The following KLF17 variants were observed in gnomAD, a reference collection of about 807,000 sequenced individuals.
KLF17 encodes KLF transcription factor 17, also known as Krueppel-like factor 17.
Under a neutral mutation model 34.2 loss-of-function variants are expected in KLF17, and 31 were observed. The observed-to-expected ratio is 0.91, with a 90% CI of 0.68 to 1.22. KLF17 has a LOEUF of 1.22. Among genes scored for constraint, KLF17 ranks in the 50% most tolerant of loss-of-function variants. The pLI is 0.00. For missense variants in KLF17, 478 were observed against 505.2 expected (o/e 0.95, Z 0.52); for synonymous variants, 179 against 186.7 (o/e 0.96, Z 0.34).
the KLF17 span, among the ~76,000 whole-genome samples, chr1:44,099,593 T>A: frequency 6.7e-6 from 1 of 150,326 alleles, no homozygotes; most frequent in Non-Finnish European, 1.5e-5. Context: ...TGAATCAGGA[T>A]TCAGGAGGTC....
the KLF17 span, among the ~76,000 whole-genome samples, chr1:44,051,737 G>A: frequency 0.42 from 63,505 of 151,362 alleles, 14,400 homozygotes; most frequent in Admixed American, 0.5. Flanking sequence ...TTGATTTTCT[G>A]TTGACTAAAT....
the KLF17 span, among the ~76,000 whole-genome samples, chr1:44,112,421 T>G: frequency 1.3e-5 from 2 of 152,118 alleles, no homozygotes; most frequent in East Asian, 3.9e-4. Context: ...TTTTATTTTT[T>G]AGCATCAGGG....
chr1:44,077,593 T>C, the KLF17 span, among the ~76,000 whole-genome samples: 2 of 152,108 alleles, frequency 1.3e-5, no homozygotes, highest in African/African-American at 4.8e-5. Flanking sequence ...GGGGTAAAAT[T>C]ATCTGTAGGT....
the KLF17 span, chr1:44,104,997 A>G: frequency 1.3e-5 from 2 of 154,592 alleles, no homozygotes; most frequent in Admixed American, 1.3e-4. Context: ...CTAGCTACTT[A>G]GGAGGCTGAG....
the KLF17 span, among the ~76,000 whole-genome samples, chr1:44,053,229 G>A: frequency 6.6e-6 from 1 of 152,080 alleles, no homozygotes; most frequent in Non-Finnish European, 1.5e-5. Context: ...TAATGATATT[G>A]TACAATTAGA....
the KLF17 span, chr1:44,103,275 G>A: frequency 1.4e-6 from 1 of 701,996 alleles, no homozygotes; most frequent in Non-Finnish European, 2.6e-6. Flanking sequence ...AGCCGCAGGA[G>A]GGGCAGGCTG....
chr1:44,119,072 G>C, intron 1 of KLF17, 84 bp downstream of exon 1: 1 of 1,026,370 alleles, frequency 9.7e-7, no homozygotes, highest in Non-Finnish European at 1.4e-6. Flanking sequence ...GGAGAGGTGA[G>C]GCGGAGGGAA....
At chr1:44,044,368 A>G in the KLF17 span, among the ~76,000 whole-genome samples, 1 of 152,224 alleles carries the variant, frequency 6.6e-6, no homozygotes, top group African/African-American at 2.4e-5. Flanking sequence ...TTTGAGGGAC[A>G]TGGGGTTATT....
chr1:44,101,021 C>T, the KLF17 span, among the ~76,000 whole-genome samples: 4 of 152,262 alleles, frequency 2.6e-5, no homozygotes, highest in African/African-American at 7.2e-5. Flanking sequence ...CACTCTAATA[C>T]CATCTAAATA....
chr1:44,117,980 T>C (rs1256441623), upstream of KLF17, among the ~76,000 whole-genome samples: 1 of 152,234 alleles, frequency 6.6e-6, no homozygotes, highest in Non-Finnish European at 1.5e-5. Flanking sequence ...TTCAAGGCCC[T>C]ATCCCTCTGT....
At chr1:44,103,887 C>T in the KLF17 span, 12 of 790,906 alleles carry the variant, frequency 1.5e-5, no homozygotes, top group Non-Finnish European at 2.3e-5. Context: ...CACGTCATCC[C>T]AGTGCCTCCC....
chr1:44,129,912 C>G lies in KLF17; in HGVS notation c.641C>G (p.Pro214Arg). 1.1e-5 allele frequency: 17 copies of G among 1,614,194 alleles called. No homozygotes were observed. Among genetic ancestry groups the G allele is most frequent in the Non-Finnish European group, 1.4e-5 (17 of 1,180,034 alleles). Residue 214 changes from proline to arginine, a missense_variant, in exon 2 of 4, where the codon CCG becomes CGG. Transcript: ENST00000372299. ...VLPSMAQMLP[P>R]QDAHDLGMPP... is the part of the protein sequence containing the mutation. ...CCCTCCATGGCTCAGATGTTGCCCC[C>G]GCAAGATGCCCATGACCTTGGGATG...
the KLF17 span, among the ~76,000 whole-genome samples, chr1:44,066,114 C>G: frequency 1.3e-5 from 2 of 152,182 alleles, no homozygotes; most frequent in Middle Eastern, 3.4e-3. Flanking sequence ...CTTAGAAGTT[C>G]CAGGCCAGCC....
the KLF17 span, among the ~76,000 whole-genome samples, chr1:44,092,234 C>T: frequency 2.6e-5 from 4 of 151,654 alleles, no homozygotes; most frequent in East Asian, 7.8e-4. Flanking sequence ...CCCAGCTACT[C>T]GGGAGGCTGA....
the KLF17 span, among the ~76,000 whole-genome samples, chr1:44,086,430 C>T: frequency 2.5e-4 from 38 of 152,116 alleles, no homozygotes; most frequent in Middle Eastern, 3.4e-3. Context: ...CGCGCCATTG[C>T]GCTCCAGCCT....
the KLF17 span, among the ~76,000 whole-genome samples, chr1:44,101,805 T>A: frequency 6.6e-6 from 1 of 151,908 alleles, no homozygotes; most frequent in Non-Finnish European, 1.5e-5. Flanking sequence ...GGCAGACAGA[T>A]CACTTGAGCC....
the KLF17 span, among the ~76,000 whole-genome samples, chr1:44,087,767 T>TAC: frequency 3.7e-5 from 2 of 53,436 alleles, no homozygotes; most frequent in Admixed American, 1.8e-4. Flanking sequence ...TATATATATA[T>TAC]ATACACACAC....
the KLF17 span, among the ~76,000 whole-genome samples, chr1:44,090,306 CAAAAAAAAA>C: frequency 4.7e-4 from 11 of 23,412 alleles, no homozygotes; most frequent in South Asian, 6.2e-3. Context: ...CTTGTCTCTA[CAAAAAAAAA>C]AAAAAAAAAA....
At chr1:44,101,566 C>T in the KLF17 span, 1 of 152,132 alleles carries the variant, frequency 6.6e-6, no homozygotes, top group Non-Finnish European at 1.5e-5. Flanking sequence ...GCAGGAATAC[C>T]AGATAAATGA....
Sources: allele counts gnomAD v4.1 joint callset (sites outside exome capture counted in the v4.1 genomes callset), GRCh38; gene constraint gnomAD v4.1.1; transcripts MANE v1.5; gene names NCBI Gene and HGNC (gene_info 2026-07-23, HGNC 2026-07-21).